Variants in PRSS3 observed in about 807,000 individuals in gnomAD.
PRSS3 encodes the protein serine protease 3.
PRSS3 carries 14 observed loss-of-function variants against 20.8 expected under a neutral mutation model. That is an observed-to-expected ratio of 0.67 (90% confidence interval 0.44 to 1.05). PRSS3 has a LOEUF of 1.05. Ranked by LOEUF, PRSS3 falls within the 50% of genes least tolerant of loss-of-function variation. PRSS3 has a pLI of 0.00. For synonymous variants in PRSS3, 91 were observed against 117.6 expected (o/e 0.77, Z 1.46); for missense variants, 237 against 306.4 (o/e 0.77, Z 1.69).
intron 1 of PRSS3, among the ~76,000 whole-genome samples, chr9:33,773,190 T>C (rs1199803648): frequency 2.0e-5 from 3 of 152,154 alleles, no homozygotes; most frequent in South Asian, 4.1e-4. Flanking sequence ...TTCTATCTTA[T>C]CTTCTATTTC....
In PRSS3 at chr9:33,750,750, G is replaced by A. The variant is rs10971678; in HGVS notation, c.-53+23G>A. 2.8e-6 allele frequency: 4 copies of A among 1,415,696 alleles called. No individual in the cohort carries two copies. Among genetic ancestry groups the A allele is most frequent in the African/African-American group, 3.0e-5 (2 of 66,086 alleles). 87.7% of individuals were successfully genotyped at this position (1,415,696 alleles called of 1,614,324 possible). ...CAGGTCAGACGTCAGTACCCGCAGG[G>A]GGCTTGAAACTGGAGGAGGGCTCGA... On this transcript the variant is annotated intron_variant, in intron 1 of 5. Coordinates refer to the PRSS3 transcript ENST00000342836. The surrounding 1 kb of genome is among the most constrained non-coding windows in gnomAD (Gnocchi z 4.8).
intron 1 of PRSS3, chr9:33,786,689 C>T (rs1824425964): frequency 1.3e-6 from 1 of 766,256 alleles, no homozygotes; most frequent in Admixed American, 1.7e-5. Flanking sequence ...AACTGCAAAT[C>T]AGGGCTCTGA....
intron 1 of PRSS3, among the ~76,000 whole-genome samples, chr9:33,785,454 G>A (rs1824361916): frequency 6.6e-6 from 1 of 152,070 alleles, no homozygotes. Context: ...TGGGATTACA[G>A]GCGTGAGCCA....
intron 1 of PRSS3, among the ~76,000 whole-genome samples, chr9:33,758,493 T>G (rs1042518266): frequency 6.6e-6 from 1 of 152,220 alleles, no homozygotes; most frequent in Non-Finnish European, 1.5e-5. Context: ...ACCTGGAGAC[T>G]TGGCTGAGAA....
chr9:33,794,669 C>G (rs369375802), upstream of PRSS3: 22 of 1,436,986 alleles, frequency 1.5e-5, no homozygotes, highest in Non-Finnish European at 1.9e-5. Context: ...ACTCTGACAT[C>G]TGATCAGGGG....
chr9:33,792,521 T>C (rs1824680598), upstream of PRSS3, among the ~76,000 whole-genome samples: 1 of 152,230 alleles, frequency 6.6e-6, no homozygotes, highest in African/African-American at 2.4e-5. Context: ...GAGAACAATA[T>C]CTGCTGCCTA....
chr9:33,786,187 T>C (rs1824403308), intron 1 of PRSS3: 1 of 480,370 alleles, frequency 2.1e-6, no homozygotes, highest in Middle Eastern at 3.5e-4. Flanking sequence ...CACTTCTTAG[T>C]GCCTTTTCTC....
At chr9:33,775,776 C>CA (rs889336736) in intron 1 of PRSS3, among the ~76,000 whole-genome samples, 1 of 143,144 alleles carries the variant, frequency 7.0e-6, no homozygotes, top group African/African-American at 2.6e-5. Flanking sequence ...GATCTCAGTT[C>CA]ACTGCAACTT....
At position 33,797,877 on chromosome 9, in the gene PRSS3, G is replaced by T; in HGVS notation, c.249G>T (p.Gly83=). The T allele has an allele frequency of 6.2e-7, 1 of 1,614,248 alleles. No individual in the cohort carries two copies. The highest frequency in any genetic ancestry group is 8.5e-7 in the Non-Finnish European group (1 of 1,180,050). ...AGCACAACATCAAAGTCCTGGAGGG[G>T]AATGAGCAGTTCATCAATGCGGCCA... ...LGEHNIKVLE[G]NEQFINAAKI... is the part of the protein sequence containing the mutation. The change falls in exon 3 of 5, where the codon GGG becomes GGT. Residue 83 remains glycine (G), a synonymous_variant. Coordinates refer to ENST00000379405, the MANE Select transcript of PRSS3 (RefSeq NM_002771.4).
intron 1 of PRSS3, among the ~76,000 whole-genome samples, chr9:33,784,161 GA>G (rs1370073950): frequency 6.6e-6 from 1 of 152,126 alleles, no homozygotes; most frequent in East Asian, 1.9e-4. Context: ...GGCATGTAAA[GA>G]GAGGGGAATA....
At chr9:33,751,036 G>A (rs1822670121) in intron 1 of PRSS3, among the ~76,000 whole-genome samples, 2 of 152,114 alleles carry the variant, frequency 1.3e-5, no homozygotes, top group Admixed American at 6.5e-5. Flanking sequence ...ATGTCCGGCT[G>A]GCCGCGGCCC....
chr9:33,788,874 G>A (rs1472428895), intron 1 of PRSS3, among the ~76,000 whole-genome samples: 1 of 151,924 alleles, frequency 6.6e-6, no homozygotes, highest in African/African-American at 2.4e-5. Context: ...GCTACAATCT[G>A]GGTAATTTCT....
chr9:33,794,841 C>T (rs766823096), upstream of PRSS3: 61 of 1,547,270 alleles, frequency 3.9e-5, no homozygotes, highest in African/African-American at 3.1e-4. Context: ...GGGAGGAGTG[C>T]GCCATTGGTT....
intron 1 of PRSS3, among the ~76,000 whole-genome samples, chr9:33,752,712 A>C (rs1822752547): frequency 6.6e-6 from 1 of 152,204 alleles, no homozygotes; most frequent in Non-Finnish European, 1.5e-5. Context: ...AACAAACACA[A>C]AGAGACTATC....
chr9:33,778,591 CAA>C (rs2118971014), intron 1 of PRSS3, among the ~76,000 whole-genome samples: 1 of 152,030 alleles, frequency 6.6e-6, no homozygotes, highest in East Asian at 1.9e-4. Flanking sequence ...ATATTAAAAA[CAA>C]AATATTTAAA....
rs368612374 is a variant in PRSS3 at position 33,798,782 on chromosome 9, C to T, written c.591+160C>T. 10 of 1,249,870 alleles carry T rather than the reference C, an allele frequency of 8.0e-6. No individual in the cohort carries two copies. The South Asian group carries it at 9.7e-5, about 12-fold the overall frequency. 77.4% of individuals were successfully genotyped at this position (1,249,870 alleles called of 1,614,324 possible). The stretch of plus-strand genomic sequence containing the variant: ...GGGGCTGAGGCGGCTCCCTGCATTG[C>T]CCCCATGGAGAAACGAGGAAGGTGG... On this transcript the variant is annotated intron_variant, in intron 4 of 4. Coordinates refer to ENST00000379405, the MANE Select transcript of PRSS3 (RefSeq NM_002771.4).
chr9:33,752,900 G>A (rs1486916004), intron 1 of PRSS3, among the ~76,000 whole-genome samples: 1 of 152,222 alleles, frequency 6.6e-6, no homozygotes, highest in East Asian at 1.9e-4. Context: ...CCAGGACTTA[G>A]ATATCATAAG....
At chr9:33,794,699 C>T (rs1275020265), upstream of PRSS3, 2 of 1,498,122 alleles carry the variant, frequency 1.3e-6, no homozygotes, top group African/African-American at 1.4e-5. Flanking sequence ...CTGGTTCAGG[C>T]TGTCAGCCCT....
At chr9:33,759,194 G>C (rs1287330789) in intron 1 of PRSS3, among the ~76,000 whole-genome samples, 1 of 152,084 alleles carries the variant, frequency 6.6e-6, no homozygotes, top group East Asian at 1.9e-4. Flanking sequence ...CGCTGGAGAG[G>C]AGCCACATTC....
Sources: allele counts gnomAD v4.1 joint callset (sites outside exome capture counted in the v4.1 genomes callset), GRCh38; gene constraint gnomAD v4.1.1; non-coding constraint Gnocchi (gnomAD v3.1); transcripts MANE v1.5; gene names NCBI Gene and HGNC (gene_info 2026-07-23, HGNC 2026-07-21).